APOD: variants seen among roughly 807,000 people sequenced by gnomAD.
APOD encodes the protein apo-D.
APOD carries 22 observed loss-of-function variants against 20.4 expected under a neutral mutation model. The observed-to-expected ratio is 1.08, with a 90% CI of 0.77 to 1.54. The LOEUF (loss-of-function observed/expected upper bound fraction) is 1.54. APOD is among the 40% of genes most tolerant of loss of function. The pLI, the probability that APOD is intolerant of heterozygous loss-of-function variation, is 0.00. For missense variants in APOD, 223 were observed against 229.6 expected, an observed-to-expected ratio of 0.97 and a Z score of 0.19; for synonymous variants, 97 against 92.4, an observed-to-expected ratio of 1.05 and a Z score of -0.29.
intron 1 of APOD, among the ~76,000 whole-genome samples, chr3:195,581,724 G>A (rs1433021806): frequency 6.6e-6 from 1 of 152,226 alleles, no homozygotes; most frequent in Non-Finnish European, 1.5e-5. Flanking sequence ...ACATGACACT[G>A]CAACAAAAGT....
chr3:195,569,119 C>T lies in APOD; in HGVS notation c.351G>A (p.Pro117=), dbSNP rs140035450. 12 of 1,614,008 alleles carry T rather than the reference C, an allele frequency of 7.4e-6. No homozygotes were observed. Among genetic ancestry groups the T allele is most frequent in the African/African-American group, 2.7e-5 (2 of 74,996 alleles). Residue 117 remains proline, a synonymous_variant, in exon 5 of 5, where the codon CCG becomes CCA. Coordinates refer to ENST00000343267, the MANE Select transcript of APOD (RefSeq NM_001647.4). ...CATAGTCGGTGGCCAGGATCCAGTA[C>T]GGTGCCGATGGCATAACTGAGAACC... ...VKFSWFMPSA[P]YWILATDYEN... is the part of the protein sequence containing the mutation.
At chr3:195,573,139 C>A (rs1340492023) in intron 3 of APOD, among the ~76,000 whole-genome samples, 1 of 152,224 alleles carries the variant, frequency 6.6e-6, no homozygotes, top group Non-Finnish European at 1.5e-5. Flanking sequence ...CCGTCAATTG[C>A]ATTTTGCTCT....
intron 1 of APOD, among the ~76,000 whole-genome samples, chr3:195,580,482 G>T (rs1720318727): frequency 1.3e-5 from 2 of 151,296 alleles, no homozygotes; most frequent in South Asian, 4.2e-4. Flanking sequence ...TCGGCTCACT[G>T]CAACCTCTGT....
chr3:195,573,622 G>A lies in APOD; in HGVS notation c.245+228C>T, dbSNP rs571806139. 1.1e-4 allele frequency among the ~76,000 whole-genome samples: 17 copies of A among 152,348 alleles called. No individual in the cohort carries two copies. In the South Asian group the frequency reaches 2.5e-3, roughly 22 times the overall value. Reference sequence around the variant, plus strand: ...TACCAGAGTATCTATTTTGCAGTGAGTGCAGGAACCCTGTCAGTTTGTGCC... The same window carrying A: ...TACCAGAGTATCTATTTTGCAGTGAATGCAGGAACCCTGTCAGTTTGTGCC... On this transcript the variant is annotated intron_variant, in intron 3 of 4. Coordinates refer to ENST00000343267, the MANE Select transcript of APOD (RefSeq NM_001647.4).
intron 1 of APOD, chr3:195,582,501 G>A (rs1720356662): frequency 6.6e-6 from 1 of 152,184 alleles, no homozygotes; most frequent in South Asian, 2.1e-4. Flanking sequence ...AACACTTTGG[G>A]AGGCCGAGGT....
chr3:195,568,833 G>T lies in APOD; in HGVS notation c.*67C>A, dbSNP rs1299251998. ...CGTGGTTGATTGGTTTGTCTTTATGGGGGGGGGGTAGGGGAAAGCGAAGCA... is the reference window on the plus strand; with the variant it reads ...CGTGGTTGATTGGTTTGTCTTTATGTGGGGGGGGTAGGGGAAAGCGAAGCA... On this transcript the variant is annotated 3_prime_UTR_variant, in exon 5 of 5. Coordinates refer to ENST00000343267, the MANE Select transcript of APOD (RefSeq NM_001647.4). The T allele has an allele frequency of 9.6e-7, 1 of 1,041,148 alleles. No homozygotes were observed. The allele number at this position is 1,041,148 out of a possible 1,614,324, so 64.5% of individuals were successfully genotyped here.
intron 2 of APOD, among the ~76,000 whole-genome samples, chr3:195,576,439 CAG>C (rs1443953784): frequency 6.6e-6 from 1 of 152,166 alleles, no homozygotes; most frequent in Non-Finnish European, 1.5e-5. Context: ...AAATCTAAAA[CAG>C]AGACAAAACC....
intron 1 of APOD, among the ~76,000 whole-genome samples, chr3:195,583,418 C>A (rs924393851): frequency 6.6e-6 from 1 of 152,210 alleles, no homozygotes; most frequent in Non-Finnish European, 1.5e-5. Flanking sequence ...TTAAATATAA[C>A]AAGACACGTA....
At chr3:195,583,665 C>G (rs954930377) in intron 1 of APOD, among the ~76,000 whole-genome samples, 2 of 152,168 alleles carry the variant, frequency 1.3e-5, no homozygotes, top group African/African-American at 4.8e-5. Flanking sequence ...GCTAGTGTAT[C>G]TGAACCTCAG....
At chr3:195,574,358 G>A (rs779918478) in intron 2 of APOD, among the ~76,000 whole-genome samples, 3 of 152,224 alleles carry the variant, frequency 2.0e-5, no homozygotes, top group South Asian at 2.1e-4. Context: ...CAGAGCGCAC[G>A]GAACTTTCCT....
chr3:195,575,624 A>G (rs1446252900), intron 2 of APOD, among the ~76,000 whole-genome samples: 1 of 152,088 alleles, frequency 6.6e-6, no homozygotes, highest in Non-Finnish European at 1.5e-5. Context: ...TAGTTAAAAT[A>G]CTAATTAGAA....
intron 4 of APOD, among the ~76,000 whole-genome samples, chr3:195,569,932 T>C (rs562480243): frequency 6.6e-6 from 1 of 151,826 alleles, no homozygotes; most frequent in East Asian, 1.9e-4. Context: ...CCTGAGTAGC[T>C]GGGATTACAG....
intron 2 of APOD, among the ~76,000 whole-genome samples, chr3:195,577,710 C>A (rs1400970974): frequency 6.6e-6 from 1 of 152,098 alleles, no homozygotes; most frequent in African/African-American, 2.4e-5. Flanking sequence ...TAACGATTTC[C>A]TACAAGAATA....
At chr3:195,576,877 A>C (rs982835189) in intron 2 of APOD, among the ~76,000 whole-genome samples, 5 of 151,578 alleles carry the variant, frequency 3.3e-5, no homozygotes, top group African/African-American at 1.2e-4. Context: ...TGCAGATGAA[A>C]TTAAGAAAAT....
At chr3:195,576,862 C>G (rs114682124) in intron 2 of APOD, among the ~76,000 whole-genome samples, 4,487 of 151,384 alleles carry the variant, frequency 0.03, 110 homozygotes, top group Non-Finnish European at 0.045. Flanking sequence ...TTGCAATGAA[C>G]AATTTGCAGA....
At position 195,574,926 on chromosome 3, in the gene APOD, G is replaced by A. The variant is rs373811069; in HGVS notation, c.124-955C>T. On this transcript the variant is annotated intron_variant, in intron 2 of 4. Transcript: ENST00000343267. ...ATTAAGGCACCTTTTGTGTAAAAAT[G>A]GAGAAAATGTTTATTACGTTGGTTT... 4.6e-5 allele frequency among the ~76,000 whole-genome samples: 7 copies of A among 152,336 alleles called. No individual in the cohort carries two copies. In the East Asian group the frequency reaches 9.6e-4, roughly 21 times the overall value.
Position 195,571,337 on chromosome 3 carries a change from C to G in APOD, c.274G>C (p.Gly92Arg), listed in dbSNP as rs376458064. ...GTGAGGTTAACTGGGGTGGCTTCAC[C>G]TTCGATTTGATTCACAGTTCCATCA... ...RADGTVNQIE[G>R]EATPVNLTEP... The change falls in exon 4 of 5, where the codon GGT (glycine) becomes CGT (arginine). Residue 92 changes from glycine to arginine, a missense_variant. Coordinates refer to ENST00000343267, the MANE Select transcript of APOD (RefSeq NM_001647.4). 5.6e-6 allele frequency: 9 copies of G among 1,613,880 alleles called. No homozygotes were observed. In the African/African-American group the frequency reaches 1.2e-4, roughly 22 times the overall value.
At chr3:195,571,045 A>G in intron 4 of APOD, 1 of 559,504 alleles carries the variant, frequency 1.8e-6, no homozygotes, top group South Asian at 2.2e-5. Context: ...TTGCGGGGTC[A>G]CGTGTCAGTA....
In APOD at chr3:195,583,892, T is replaced by C. The variant is rs868630559; in HGVS notation, c.-49A>G. 2 of 152,214 alleles carry C rather than the reference T, an allele frequency of 1.3e-5. No individual in the cohort carries two copies. The highest frequency in any genetic ancestry group is 2.9e-5 in the Non-Finnish European group (2 of 68,040). 9.4% of individuals were successfully genotyped at this position (152,214 alleles called of 1,614,324 possible). The stretch of plus-strand genomic sequence containing the variant: ...ACAGTACATACCTTTTCTTTCAAGA[T>C]GAAGGCAGTTTCCAGATGCAGAATC... On this transcript the variant is annotated 5_prime_UTR_variant, in exon 1 of 5. Coordinates refer to ENST00000343267, the MANE Select transcript of APOD (RefSeq NM_001647.4).
Sources: allele counts gnomAD v4.1 joint callset (sites outside exome capture counted in the v4.1 genomes callset), GRCh38; gene constraint gnomAD v4.1.1; transcripts MANE v1.5; gene names NCBI Gene and HGNC (gene_info 2026-07-23, HGNC 2026-07-21).